Variants in BMAL1 observed in about 807,000 individuals in gnomAD.
BMAL1 encodes basic helix-loop-helix ARNT like 1.
the BMAL1 span, among the ~76,000 whole-genome samples, chr11:13,315,677 A>G: frequency 6.6e-6 from 1 of 152,144 alleles, no homozygotes; most frequent in South Asian, 2.1e-4. Context: ...CATGGAGGTC[A>G]TGACCTCGGT....
the BMAL1 span, among the ~76,000 whole-genome samples, chr11:13,332,027 C>T: frequency 1.3e-5 from 2 of 152,094 alleles, no homozygotes; most frequent in South Asian, 2.1e-4. Context: ...GGAGTGATTA[C>T]GGATGAGGAA....
the BMAL1 span, chr11:13,381,155 T>C: frequency 6.2e-6 from 10 of 1,613,916 alleles, no homozygotes; most frequent in Admixed American, 1.7e-4. Flanking sequence ...TTCTCTTTTC[T>C]GACAGGATAA....
the BMAL1 span, among the ~76,000 whole-genome samples, chr11:13,296,601 T>G: frequency 6.6e-6 from 1 of 152,230 alleles, no homozygotes; most frequent in Non-Finnish European, 1.5e-5. Flanking sequence ...TGTACCTACA[T>G]GTTTCTATAT....
At chr11:13,302,775 C>G in the BMAL1 span, among the ~76,000 whole-genome samples, 14 of 152,214 alleles carry the variant, frequency 9.2e-5, no homozygotes, top group African/African-American at 3.1e-4. Context: ...TGTCATCGCC[C>G]CTGCCCCCAC....
the BMAL1 span, among the ~76,000 whole-genome samples, chr11:13,283,979 C>T: frequency 6.6e-6 from 1 of 151,490 alleles, no homozygotes; most frequent in African/African-American, 2.4e-5. Flanking sequence ...ATCTGCAGAG[C>T]TCCTCACTGG....
chr11:13,355,321 C>A, the BMAL1 span: 1 of 1,609,904 alleles, frequency 6.2e-7, no homozygotes, highest in Non-Finnish European at 8.5e-7. Context: ...ATGATTAAGA[C>A]AGCCAACACC....
At chr11:13,360,328 C>A in the BMAL1 span, 5 of 1,602,390 alleles carry the variant, frequency 3.1e-6, no homozygotes, top group East Asian at 1.1e-4. Flanking sequence ...CCAATTCTTT[C>A]TCTTTTTGCC....
At chr11:13,356,783 A>G in the BMAL1 span, 3 of 1,614,172 alleles carry the variant, frequency 1.9e-6, no homozygotes, top group African/African-American at 1.3e-5. Context: ...GGAAGGTACC[A>G]TGAACCTAGT....
chr11:13,354,697 AAGAACAGC>A, the BMAL1 span: 3 of 463,060 alleles, frequency 6.5e-6, no homozygotes, highest in Admixed American at 3.8e-5. Context: ...CCCAGAGAAA[AAGAACAGC>A]CTTAAGGCCA....
chr11:13,348,372 T>C, the BMAL1 span, among the ~76,000 whole-genome samples: 1 of 152,066 alleles, frequency 6.6e-6, no homozygotes, highest in Non-Finnish European at 1.5e-5. Flanking sequence ...ACAGTGAAGC[T>C]ATTGCAGTGG....
the BMAL1 span, among the ~76,000 whole-genome samples, chr11:13,361,273 G>A: frequency 6.6e-6 from 1 of 152,156 alleles, no homozygotes; most frequent in African/African-American, 2.4e-5. Context: ...GAAGAATTAG[G>A]TCGGCACAAA....
the BMAL1 span, chr11:13,358,473 A>G: frequency 6.2e-7 from 1 of 1,610,586 alleles, no homozygotes; most frequent in Non-Finnish European, 8.5e-7. Flanking sequence ...GTCGGGATAA[A>G]ATGAACAGTT....
chr11:13,325,939 T>G, the BMAL1 span, among the ~76,000 whole-genome samples: 2 of 151,882 alleles, frequency 1.3e-5, no homozygotes, highest in Non-Finnish European at 2.9e-5. Flanking sequence ...GGGCGGTGGC[T>G]CACATCTGTA....
the BMAL1 span, among the ~76,000 whole-genome samples, chr11:13,364,277 TCCC>T: frequency 1.3e-5 from 2 of 152,226 alleles, no homozygotes; most frequent in African/African-American, 4.8e-5. Context: ...GAAAGGATCC[TCCC>T]CAGCTTCCTT....
chr11:13,322,549 A>C, the BMAL1 span, among the ~76,000 whole-genome samples: 1 of 152,180 alleles, frequency 6.6e-6, no homozygotes, highest in Non-Finnish European at 1.5e-5. Context: ...AACTCCATTC[A>C]TTTAGCAAAT....
chr11:13,355,680 A>G, the BMAL1 span, among the ~76,000 whole-genome samples: 1 of 152,322 alleles, frequency 6.6e-6, no homozygotes, highest in Non-Finnish European at 1.5e-5. Context: ...GCCTCAAGGA[A>G]CAGATAGAAT....
chr11:13,362,107 A>G, the BMAL1 span, among the ~76,000 whole-genome samples: 3 of 152,178 alleles, frequency 2.0e-5, no homozygotes, highest in Non-Finnish European at 4.4e-5. Context: ...TTTGCCACAC[A>G]CACTTTCCAG....
chr11:13,327,485 TAA>T, the BMAL1 span, among the ~76,000 whole-genome samples: 15 of 152,154 alleles, frequency 9.9e-5, no homozygotes, highest in South Asian at 2.1e-4. Flanking sequence ...TTCTAGCCCC[TAA>T]GTTTGCTTCC....
At chr11:13,312,999 C>T in the BMAL1 span, among the ~76,000 whole-genome samples, 2 of 152,206 alleles carry the variant, frequency 1.3e-5, no homozygotes, top group Non-Finnish European at 2.9e-5. Flanking sequence ...AGGGCCTGTC[C>T]AAGAAGTGAG....
Sources: allele counts gnomAD v4.1 joint callset (sites outside exome capture counted in the v4.1 genomes callset), GRCh38; gene constraint gnomAD v4.1.1; transcripts MANE v1.5; gene names NCBI Gene and HGNC (gene_info 2026-07-23, HGNC 2026-07-21).